The following UBA6 variants were observed in gnomAD, a reference collection of about 807,000 sequenced individuals.
The protein encoded by UBA6 is ubiquitin-like modifier-activating enzyme 6.
A neutral mutation model predicts 148.3 loss-of-function variants in UBA6; 87 were observed. That is an observed-to-expected ratio of 0.59 (90% CI 0.49 to 0.70). The LOEUF is 0.70. Among genes scored for constraint, UBA6 ranks in the 30% least tolerant of loss-of-function variants. The pLI is 0.00. For synonymous variants in UBA6, 376 were observed against 401.0 expected (o/e 0.94, Z 0.75); for missense variants, 1,186 against 1,241.2 (o/e 0.96, Z 0.67).
intron 19 of UBA6, among the ~76,000 whole-genome samples, chr4:67,636,155 CA>C (rs929555086): frequency 6.6e-6 from 1 of 152,026 alleles, no homozygotes; most frequent in African/African-American, 2.4e-5. Context: ...TACTAAATGA[CA>C]TCATATGTTG....
chr4:67,685,111 T>C (rs1342133988), intron 2 of UBA6, among the ~76,000 whole-genome samples: 2 of 152,166 alleles, frequency 1.3e-5, no homozygotes, highest in African/African-American at 4.8e-5. Context: ...ATCAGTTCCC[T>C]GACCTAATTC....
At chr4:67,626,302 C>A in intron 28 of UBA6, 58 bp downstream of exon 28, 1 of 970,504 alleles carries the variant, frequency 1.0e-6, no homozygotes, top group Non-Finnish European at 1.7e-6. Flanking sequence ...AGGTGTAGAG[C>A]TTAGTGAAAA....
chr4:67,664,021 G>A, intron 10 of UBA6, 74 bp from the exon 11 acceptor site: 1 of 1,226,734 alleles, frequency 8.2e-7, no homozygotes, highest in South Asian at 1.4e-5. Flanking sequence ...TTACATGTCA[G>A]TGCGCTAAAA....
intron 2 of UBA6, among the ~76,000 whole-genome samples, chr4:67,694,163 C>G (rs1468586303): frequency 7.8e-6 from 1 of 128,378 alleles, no homozygotes; most frequent in African/African-American, 2.9e-5. Flanking sequence ...TTGCCATGAG[C>G]CGAGATCGCG....
At chr4:67,634,565 C>T (rs1425270375) in intron 20 of UBA6, 47 bp from the exon 21 acceptor site, 2 of 1,333,814 alleles carry the variant, frequency 1.5e-6, no homozygotes, top group Admixed American at 5.1e-5. Flanking sequence ...AAGCAATGAC[C>T]AATTTTTATT....
chr4:67,628,071 T>C (rs950121693), intron 27 of UBA6, among the ~76,000 whole-genome samples: 5 of 151,490 alleles, frequency 3.3e-5, no homozygotes, highest in African/African-American at 1.2e-4. Context: ...TTACCCTTTC[T>C]CCAGCCACAT....
In UBA6 at chr4:67,663,209, A is replaced by C. The variant is rs770303433; in HGVS notation, c.967T>G (p.Leu323Val). The C allele has an allele frequency of 9.3e-6, 15 of 1,609,566 alleles. No individual in the cohort carries two copies. The highest frequency in any genetic ancestry group is 5.1e-5 in the Admixed American group (3 of 59,006). Residue 323 changes from leucine to valine, a missense_variant, in exon 12 of 33, where the codon TTA becomes GTA. Physicochemically the swap from Leu to Val is conservative, Grantham distance 32. Transcript: ENST00000322244. ...GCAAGCATAGCTGTGTGAATCTCTA[A>C]AGGTGCCTATTGAGAACATTAAAAA... is the stretch of plus-strand genomic sequence containing the variant. ...IVDFSNPEAP[L>V]EIHTAMLALD...
chr4:67,653,224 C>T (rs866395895), intron 13 of UBA6, among the ~76,000 whole-genome samples: 4 of 152,198 alleles, frequency 2.6e-5, no homozygotes. Context: ...ACTGCCTCCT[C>T]AATTGGGTCC....
At position 67,681,967 on chromosome 4, in the gene UBA6, C is replaced by T. The variant is rs538958288; in HGVS notation, c.229+152G>A. 683 of 638,916 alleles carry T rather than the reference C, an allele frequency of 1.1e-3. 17 individuals carry two copies. The South Asian group carries it at 0.013, about 13-fold the overall frequency. The allele number at this position is 638,916 out of a possible 1,614,324, so 39.6% of individuals were successfully genotyped here. On this transcript the variant is annotated intron_variant, in intron 3 of 32. Coordinates refer to ENST00000322244, the MANE Select transcript of UBA6 (RefSeq NM_018227.6). ...TTCTTTGTGGAAGAATATAACATCA[C>T]GAAATAGTCTTGACAAAGATTAAAA...
intron 13 of UBA6, among the ~76,000 whole-genome samples, chr4:67,650,314 T>A (rs1171034196): frequency 6.6e-6 from 1 of 152,138 alleles, no homozygotes; most frequent in Non-Finnish European, 1.5e-5. Context: ...ATTAAGTAAC[T>A]TATTCAATAT....
chr4:67,662,271 G>C lies in UBA6; in HGVS notation c.1038-16C>G. The C allele has an allele frequency of 6.2e-7, 1 of 1,609,828 alleles. No individual in the cohort carries two copies. The highest frequency in any genetic ancestry group is 8.5e-7 in the Non-Finnish European group (1 of 1,177,786). Reference sequence around the variant, plus strand: ...TTGTTGGCATCTACAACTCAAAACAGAACACCCTAACTTTAATTTTCTCAA... The same window carrying C: ...TTGTTGGCATCTACAACTCAAAACACAACACCCTAACTTTAATTTTCTCAA... On this transcript the variant is annotated splice_polypyrimidine_tract_variant and intron_variant, in intron 12 of 32. Coordinates refer to ENST00000322244, the MANE Select transcript of UBA6 (RefSeq NM_018227.6).
chr4:67,666,912 AC>A (rs1287164752), intron 9 of UBA6, among the ~76,000 whole-genome samples: 3 of 152,276 alleles, frequency 2.0e-5, no homozygotes, highest in Non-Finnish European at 4.4e-5. Context: ...AAACAAAAAA[AC>A]AAAACAACAT....
chr4:67,615,957 T>C lies in UBA6; in HGVS notation c.*3040A>G, dbSNP rs1728617346. 1 of 355,732 alleles carries C rather than the reference T, an allele frequency of 2.8e-6. No homozygotes were observed. 22.0% of individuals were successfully genotyped at this position (355,732 alleles called of 1,614,324 possible). On this transcript the variant is annotated 3_prime_UTR_variant, in exon 33 of 33. Transcript: ENST00000322244. ...TAATTTCTGAACTGCTGTCAATATA[T>C]TCTACTAAGCTGAGTGCTAGTTATA... is the stretch of plus-strand genomic sequence containing the variant.
At chr4:67,665,042 C>T in intron 10 of UBA6, 147 bp downstream of exon 10, 5 of 505,732 alleles carry the variant, frequency 9.9e-6, no homozygotes, top group South Asian at 7.9e-5. Flanking sequence ...TTCCATTTCC[C>T]TCAAAGTGGG....
chr4:67,634,429 CT>C lies in UBA6; in HGVS notation c.1931del (p.Lys644SerfsTer36). On this transcript the variant is annotated frameshift_variant and splice_region_variant, in exon 21 of 33. Transcript: ENST00000322244. LOFTEE classifies it high-confidence loss of function. The part of the protein sequence containing the change: ...IEHTIQWARD[K>X]FESSFSHKPS... ...AATAAATTTAAAAAGGAACTTTTAC[CT>C]TATCTCTTGCCCACTGTATGGTATG... The C allele has an allele frequency of 6.3e-7, 1 of 1,575,306 alleles. No homozygotes were observed. The highest frequency in any genetic ancestry group is 8.6e-7 in the Non-Finnish European group (1 of 1,169,212).
At chr4:67,653,240 C>T (rs1174039159) in intron 13 of UBA6, among the ~76,000 whole-genome samples, 1 of 152,184 alleles carries the variant, frequency 6.6e-6, no homozygotes, top group South Asian at 2.1e-4. Flanking sequence ...GGTCCCTGAC[C>T]CCCATGTAGA....
At chr4:67,624,915 G>A in intron 29 of UBA6, 79 bp downstream of exon 29, 1 of 1,169,288 alleles carries the variant, frequency 8.6e-7, no homozygotes, top group Non-Finnish European at 1.2e-6. Flanking sequence ...ATCTCTGAGT[G>A]ACTGGGTTGG....
At chr4:67,700,721 G>A (rs1001954768) in intron 1 of UBA6, among the ~76,000 whole-genome samples, 2 of 152,120 alleles carry the variant, frequency 1.3e-5, no homozygotes, top group Non-Finnish European at 2.9e-5. Flanking sequence ...GGAAGCTCAC[G>A]CCAAGTGACC....
At chr4:67,638,709 CT>C (rs1328587281) in intron 19 of UBA6, among the ~76,000 whole-genome samples, 16 of 152,158 alleles carry the variant, frequency 1.1e-4, no homozygotes, top group African/African-American at 3.9e-4. Flanking sequence ...AAATGTTACT[CT>C]GGCATGGTGA....
Sources: allele counts gnomAD v4.1 joint callset (sites outside exome capture counted in the v4.1 genomes callset), GRCh38; gene constraint gnomAD v4.1.1; transcripts MANE v1.5; gene names NCBI Gene and HGNC (gene_info 2026-07-23, HGNC 2026-07-21).